MRPL35: variants seen among roughly 807,000 people sequenced by gnomAD.
The protein encoded by MRPL35 is large ribosomal subunit protein bL35m.
In MRPL35, 18 loss-of-function variants were observed where a neutral mutation model predicts 21.6. The observed-to-expected ratio is 0.83, with a 90% confidence interval of 0.58 to 1.24. The LOEUF is 1.24. Among genes scored for constraint, MRPL35 ranks in the 50% most tolerant of loss-of-function variants. The probability of loss-of-function intolerance (pLI) is 0.00; values close to 1 mark genes in which losing one functional copy is unlikely to be tolerated. For synonymous variants in MRPL35, 87 were observed against 86.9 expected (o/e 1.00, Z -0.01); for missense variants, 223 against 223.2 (o/e 1.00, Z 0.01).
At chr2:86,199,654 G>A in intron 1 of MRPL35, 121 bp downstream of exon 1, 1 of 1,282,416 alleles carries the variant, frequency 7.8e-7, no homozygotes, top group Non-Finnish European at 1.1e-6. Flanking sequence ...AGTTAAGAAG[G>A]TTGCGCCCAA....
chr2:86,202,485 A>G (rs1673704165), intron 1 of MRPL35, among the ~76,000 whole-genome samples: 4 of 152,166 alleles, frequency 2.6e-5, no homozygotes, highest in African/African-American at 7.2e-5. Flanking sequence ...GAGATACCAA[A>G]ATCTGATGAC....
chr2:86,200,598 A>G (rs1673665891), intron 1 of MRPL35, among the ~76,000 whole-genome samples: 1 of 152,134 alleles, frequency 6.6e-6, no homozygotes, highest in South Asian at 2.1e-4. Context: ...CATACAGTAT[A>G]TACGCTTTAG....
Position 86,212,738 on chromosome 2 carries a change from A to T in MRPL35, c.*2070A>T. The T allele has an allele frequency of 8.6e-7, 1 of 1,162,164 alleles. No individual in the cohort carries two copies. Among genetic ancestry groups the T allele is most frequent in the Non-Finnish European group, 1.1e-6 (1 of 943,928 alleles). The allele number at this position is 1,162,164 out of a possible 1,614,324, so 72.0% of individuals were successfully genotyped here. ...CTGACAGGCACATAACTTACGGGAA[A>T]GGGAATTTCATACATACGATTTTTG... is the stretch of plus-strand genomic sequence containing the variant. On this transcript the variant is annotated 3_prime_UTR_variant, in exon 4 of 4. Transcript: ENST00000337109.
In MRPL35 at chr2:86,211,473, C is replaced by G; in HGVS notation, c.*805C>G. On this transcript the variant is annotated 3_prime_UTR_variant, in exon 4 of 4. Coordinates refer to ENST00000337109, the MANE Select transcript of MRPL35 (RefSeq NM_016622.4). ...AAAAAAACAGTTATGTGAGCAGTTT[C>G]ACTTGGAGGTTCACATGGGGTGGCA... is the stretch of plus-strand genomic sequence containing the variant. 2 of 985,394 alleles carry G rather than the reference C, an allele frequency of 2.0e-6. No individual in the cohort carries two copies. Among genetic ancestry groups the G allele is most frequent in the Non-Finnish European group, 2.4e-6 (2 of 829,932 alleles). The allele number at this position is 985,394 out of a possible 1,614,324, so 61.0% of individuals were successfully genotyped here. A position where few individuals can be genotyped will look rare whatever the true frequency, so the allele number is the denominator to read the frequency against.
Position 86,207,201 on chromosome 2 carries a change from A to G in MRPL35, c.252A>G (p.Pro84=). The G allele has an allele frequency of 1.2e-6, 2 of 1,612,572 alleles. No individual in the cohort carries two copies. Among genetic ancestry groups the G allele is most frequent in the Non-Finnish European group, 1.7e-6 (2 of 1,179,172 alleles). Residue 84 remains proline (P), a synonymous_variant, in exon 3 of 4, where the codon CCA becomes CCG. Transcript: ENST00000337109. Reference sequence around the variant, plus strand: ...TTTTTAGAATGGCCCCCGTGCTTCCAAGTGTCCTGAAGCTGCCAGTCAGAT... The same window carrying G: ...TTTTTAGAATGGCCCCCGTGCTTCCGAGTGTCCTGAAGCTGCCAGTCAGAT... ...VILNRMAPVL[P]SVLKLPVRSL...
At chr2:86,199,576 G>A (rs181608984) in intron 1 of MRPL35, 43 bp downstream of exon 1, 3 of 1,612,044 alleles carry the variant, frequency 1.9e-6, no homozygotes, top group African/African-American at 2.7e-5. Context: ...TTCACAGAAG[G>A]GGAAACTGGT....
chr2:86,207,700 A>C (rs1325114779), intron 3 of MRPL35, among the ~76,000 whole-genome samples: 1 of 152,020 alleles, frequency 6.6e-6, no homozygotes, highest in Non-Finnish European at 1.5e-5. Flanking sequence ...TCAGCCAGGC[A>C]CTGTAGCTCA....
At chr2:86,202,289 G>A (rs968203750) in intron 1 of MRPL35, among the ~76,000 whole-genome samples, 2 of 152,068 alleles carry the variant, frequency 1.3e-5, no homozygotes, top group Admixed American at 6.5e-5. Context: ...TGTTGGTTTT[G>A]ATCTGTTTTT....
chr2:86,199,721 C>G (rs1012984216), intron 1 of MRPL35, among the ~76,000 whole-genome samples, 188 bp downstream of exon 1: 2 of 152,210 alleles, frequency 1.3e-5, no homozygotes, highest in African/African-American at 2.4e-5. Flanking sequence ...CTCGGACTCA[C>G]GCGGGCCTGT....
chr2:86,208,599 G>A (rs779602284), intron 3 of MRPL35, among the ~76,000 whole-genome samples: 2 of 152,178 alleles, frequency 1.3e-5, no homozygotes, highest in Admixed American at 6.6e-5. Flanking sequence ...GGGCCGTGAC[G>A]CCTAGCCCCA....
intron 3 of MRPL35, among the ~76,000 whole-genome samples, 169 bp from the exon 4 acceptor site, chr2:86,210,311 C>A (rs1173840773): frequency 1.4e-5 from 2 of 146,088 alleles, no homozygotes. Context: ...CCCCTCCCCG[C>A]CACCCTCCCT....
intron 1 of MRPL35, among the ~76,000 whole-genome samples, chr2:86,202,139 A>G (rs929379392): frequency 1.3e-5 from 2 of 152,180 alleles, no homozygotes; most frequent in African/African-American, 4.8e-5. Flanking sequence ...GCTTAATCAC[A>G]TGATTGATCC....
chr2:86,206,789 T>C (rs767653238), intron 2 of MRPL35, among the ~76,000 whole-genome samples: 1 of 152,202 alleles, frequency 6.6e-6, no homozygotes, highest in Non-Finnish European at 1.5e-5. Context: ...CTTATAAGGA[T>C]GGGCTGCATG....
chr2:86,211,404 C>T lies in MRPL35; in HGVS notation c.*736C>T. 1 of 985,344 alleles carries T rather than the reference C, an allele frequency of 1.0e-6. No individual in the cohort carries two copies. The highest frequency in any genetic ancestry group is 1.2e-6 in the Non-Finnish European group (1 of 829,926). 61.0% of individuals were successfully genotyped at this position (985,344 alleles called of 1,614,324 possible). On this transcript the variant is annotated 3_prime_UTR_variant, in exon 4 of 4. Coordinates refer to ENST00000337109, the MANE Select transcript of MRPL35 (RefSeq NM_016622.4). Reference sequence around the variant, plus strand: ...TTGTCTAGAGTAGGGATTGGCTGTCCTTAAGTCAGGAGCCCGCTTTGTATT... The same window carrying T: ...TTGTCTAGAGTAGGGATTGGCTGTCTTTAAGTCAGGAGCCCGCTTTGTATT...
At chr2:86,210,262 T>C (rs1252084374) in intron 3 of MRPL35, among the ~76,000 whole-genome samples, 1 of 152,172 alleles carries the variant, frequency 6.6e-6, no homozygotes, top group Non-Finnish European at 1.5e-5. Context: ...ATATGATTTA[T>C]TACTAATTCT....
At chr2:86,200,049 C>G (rs1210289973) in intron 1 of MRPL35, among the ~76,000 whole-genome samples, 2 of 152,148 alleles carry the variant, frequency 1.3e-5, no homozygotes, top group Admixed American at 1.3e-4. Context: ...GGCACAAGGG[C>G]TGGTATGAGG....
chr2:86,207,081 C>A, intron 2 of MRPL35, 102 bp from the exon 3 acceptor site: 1 of 1,166,526 alleles, frequency 8.6e-7, no homozygotes, highest in African/African-American at 1.6e-5. Flanking sequence ...AAGTTAGTTC[C>A]AGTCCATTGG....
chr2:86,200,200 G>A (rs994770965), intron 1 of MRPL35, among the ~76,000 whole-genome samples: 12 of 152,030 alleles, frequency 7.9e-5, no homozygotes, highest in African/African-American at 2.7e-4. Flanking sequence ...TATATTGTTA[G>A]GATAACATTT....
rs766252777 is a variant in MRPL35 at position 86,212,386 on chromosome 2, A to G, written c.*1718A>G. On this transcript the variant is annotated 3_prime_UTR_variant, in exon 4 of 4. Coordinates refer to ENST00000337109, the MANE Select transcript of MRPL35 (RefSeq NM_016622.4). ...GTAAAAGCCTGAAACATGGAATGGC[A>G]TTCTGTTTTGATGGATTTTCATTTC... The G allele has an allele frequency of 6.2e-7, 1 of 1,613,764 alleles. No individual in the cohort carries two copies. Among genetic ancestry groups the G allele is most frequent in the South Asian group, 1.1e-5 (1 of 90,982 alleles).
Sources: gnomAD v4.1 joint callset for allele counts (sites outside exome capture counted in the v4.1 genomes callset) on GRCh38, gnomAD v4.1.1 for gene constraint, MANE v1.5 for transcripts, NCBI Gene and HGNC (gene_info 2026-07-23, HGNC 2026-07-21) for gene names.